Variants in HOTAIR observed in about 807,000 individuals in gnomAD.
HOTAIR encodes the protein HOX transcript antisense RNA.
chr12:53,972,765 T>G (rs1939168840), intron 1 of HOTAIR, among the ~76,000 whole-genome samples: 1 of 152,138 alleles, frequency 6.6e-6, no homozygotes. Flanking sequence ...CTCCTGGTGC[T>G]GCTCACAGAG....
intron 3 of HOTAIR, chr12:53,966,734 A>ACGC (rs1178191970): frequency 6.6e-6 from 1 of 152,288 alleles, no homozygotes; most frequent in Non-Finnish European, 1.5e-5. Context: ...GTGCGGAGAA[A>ACGC]CAAATATATT....
At chr12:53,974,039 G>A (rs1939202443) in intron 1 of HOTAIR, 3 of 727,282 alleles carry the variant, frequency 4.1e-6, no homozygotes, top group Non-Finnish European at 6.2e-6. Flanking sequence ...GGGTCAGTCC[G>A]ATTTTATGTG....
intron 1 of HOTAIR, among the ~76,000 whole-genome samples, chr12:53,969,523 C>T (rs566186248): frequency 3.9e-5 from 6 of 152,320 alleles, no homozygotes; most frequent in East Asian, 1.9e-4. Flanking sequence ...CAGTCCCACC[C>T]GCTTCTTGTT....
At chr12:53,963,113 T>C (rs1481039808) in exon 7 of HOTAIR, 5 of 152,216 alleles carry the variant, frequency 3.3e-5, no homozygotes, top group African/African-American at 1.2e-4. Context: ...AAAAATTTGT[T>C]TTTGAATCTT....
At chr12:53,974,054 T>C in intron 1 of HOTAIR, 1 of 682,088 alleles carries the variant, frequency 1.5e-6, no homozygotes, top group Non-Finnish European at 2.3e-6. Flanking sequence ...TATGTGGAGT[T>C]TTATAAGCAT....
chr12:53,973,970 G>A lies in HOTAIR; in HGVS notation n.59+928C>T, dbSNP rs1352211906. On this transcript the variant is annotated intron_variant and non_coding_transcript_variant, in intron 1 of 6. Coordinates refer to ENST00000424518, the Ensembl canonical transcript of HOTAIR. The surrounding 1 kb of genome is among the most constrained non-coding windows in gnomAD (Gnocchi z 4.3). ...ACGGGCGGGCAGCGAGGGAGGGAGCGAGAGAGGGAGGGCGAGAGAAGGGGG... is the reference window on the plus strand; with the variant it reads ...ACGGGCGGGCAGCGAGGGAGGGAGCAAGAGAGGGAGGGCGAGAGAAGGGGG... 2 of 1,412,598 alleles carry A rather than the reference G, an allele frequency of 1.4e-6. No homozygotes were observed. Among genetic ancestry groups the A allele is most frequent in the Non-Finnish European group, 1.9e-6 (2 of 1,076,768 alleles). 87.5% of individuals were successfully genotyped at this position (1,412,598 alleles called of 1,614,324 possible). A position where few individuals can be genotyped will look rare whatever the true frequency, so the allele number is the denominator to read the frequency against.
At chr12:53,963,561 A>C (rs1472406939) in exon 7 of HOTAIR, 3 of 152,234 alleles carry the variant, frequency 2.0e-5, no homozygotes, top group Admixed American at 2.0e-4. Flanking sequence ...TTTACAGTCC[A>C]AAGGAATCAA....
chr12:53,974,215 T>G (rs1939206611), intron 1 of HOTAIR, among the ~76,000 whole-genome samples: 1 of 152,110 alleles, frequency 6.6e-6, no homozygotes, highest in Admixed American at 6.5e-5. Context: ...TGTGAAATTT[T>G]TAAAAGCGCA....
chr12:53,964,237 TG>T (rs1157045174), exon 6 of HOTAIR: 4 of 148,000 alleles, frequency 2.7e-5, no homozygotes, highest in Admixed American at 1.4e-4. Flanking sequence ...AAACCTTGGG[TG>T]TAATTGCTGG....
chr12:53,965,032 A>C (rs1204082156), intron 5 of HOTAIR, among the ~76,000 whole-genome samples: 1 of 152,216 alleles, frequency 6.6e-6, no homozygotes, highest in Non-Finnish European at 1.5e-5. Context: ...GATTAGAGTT[A>C]ATGTCAGAGG....
intron 1 of HOTAIR, among the ~76,000 whole-genome samples, chr12:53,971,851 C>A (rs1408248436): frequency 2.6e-5 from 4 of 152,256 alleles, no homozygotes; most frequent in African/African-American, 9.6e-5. Flanking sequence ...TGCAGAATGA[C>A]TGAGCCTACT....
chr12:53,973,563 T>C lies in HOTAIR; in HGVS notation n.59+1335A>G, dbSNP rs1238214457. On this transcript the variant is annotated intron_variant and non_coding_transcript_variant, in intron 1 of 6. Coordinates refer to ENST00000424518, the Ensembl canonical transcript of HOTAIR. This position sits in a 1 kb window ranked among gnomAD's most constrained non-coding sequence, Gnocchi z 4.3. ...TATGCACCGGGAGTGCCTGCCTCCT[T>C]CCACCGTCACCGAGATCCTCATGAA... The C allele has an allele frequency of 6.2e-7, 1 of 1,612,710 alleles. No homozygotes were observed. The highest frequency in any genetic ancestry group is 1.1e-5 in the South Asian group (1 of 91,020).
rs1939081967 is a variant in HOTAIR, at chr12:53,967,807, T to A, written n.200-413A>T. Among the ~76,000 whole-genome samples, 5 of 152,304 alleles carry A rather than the reference T, an allele frequency of 3.3e-5. No individual in the cohort carries two copies. In the Middle Eastern group the frequency reaches 0.017, roughly 518 times the overall value. ...CCTCACCCTACAAAAATGTGCTTCA[T>A]GTCTGTGACATAAAATTGGCAGGCA... On this transcript the variant is annotated intron_variant and non_coding_transcript_variant, in intron 2 of 6. Coordinates refer to ENST00000424518, the Ensembl canonical transcript of HOTAIR.
At position 53,964,745 on chromosome 12, in the gene HOTAIR, A is replaced by G. The variant is rs150622151; in HGVS notation, n.552-462T>C. ...TATGGGATGTAGAGGAAAAGGAGAC[A>G]GTAGGGTCTCCCAACATCACCCTAA... On this transcript the variant is annotated intron_variant and non_coding_transcript_variant, in intron 5 of 6. Coordinates refer to ENST00000424518, the Ensembl canonical transcript of HOTAIR. 4.2e-4 allele frequency among the ~76,000 whole-genome samples: 64 copies of G among 152,352 alleles called. 1 individual carries two copies. In the East Asian group the frequency reaches 0.012, roughly 29 times the overall value.
chr12:53,968,859 T>G (rs1298860634), intron 1 of HOTAIR: 1 of 152,274 alleles, frequency 6.6e-6, no homozygotes, highest in African/African-American at 2.4e-5. Flanking sequence ...CACCTGAAGT[T>G]TTTCACCCCA....
chr12:53,973,472 G>A lies in HOTAIR; in HGVS notation n.59+1426C>T. 1 of 1,614,068 alleles carries A rather than the reference G, an allele frequency of 6.2e-7. No individual in the cohort carries two copies. The highest frequency in any genetic ancestry group is 8.5e-7 in the Non-Finnish European group (1 of 1,180,012). ...CGGTCCGGGAGGTCTCCTACGGCCT[G>A]GAGCCATCCGGCAAGTGGCACCATC... On this transcript the variant is annotated intron_variant and non_coding_transcript_variant, in intron 1 of 6. Coordinates refer to ENST00000424518, the Ensembl canonical transcript of HOTAIR. The surrounding 1 kb of genome is among the most constrained non-coding windows in gnomAD (Gnocchi z 4.3).
rs1213688244 is a variant in HOTAIR at position 53,967,581 on chromosome 12, TAGCCGGGA to T, written n.200-195_200-188del. Reference sequence around the variant, plus strand: ...GCCTGGGCTCAACGGGCTGGAGGGGTAGCCGGGAAGCCCCAGGGAGGGAACAGCAGGCT... The same window carrying T: ...GCCTGGGCTCAACGGGCTGGAGGGGTAGCCCCAGGGAGGGAACAGCAGGCT... On this transcript the variant is annotated intron_variant and non_coding_transcript_variant, in intron 2 of 6. Transcript: ENST00000424518. 9.2e-5 allele frequency among the ~76,000 whole-genome samples: 14 copies of T among 152,234 alleles called. No homozygotes were observed. In the South Asian group the frequency reaches 1.0e-3, roughly 11 times the overall value.
intron 1 of HOTAIR, among the ~76,000 whole-genome samples, chr12:53,970,088 C>T (rs868728606): frequency 3.3e-5 from 5 of 152,240 alleles, no homozygotes; most frequent in Non-Finnish European, 7.3e-5. Flanking sequence ...CTGCCCAGAC[C>T]GCAGCCGCCT....
Position 53,973,189 on chromosome 12 carries a change from C to T in HOTAIR, n.59+1709G>A. The T allele has an allele frequency of 6.9e-7, 1 of 1,458,492 alleles. No homozygotes were observed. Among genetic ancestry groups the T allele is most frequent in the African/African-American group, 1.4e-5 (1 of 70,824 alleles). The allele number at this position is 1,458,492 out of a possible 1,614,324, so 90.3% of individuals were successfully genotyped here. A position where few individuals can be genotyped will look rare whatever the true frequency, so the allele number is the denominator to read the frequency against. Reference sequence around the variant, plus strand: ...ATCTCGCCTTCCCAAATTTTCCCCCCTCGCTAGACCGGGTCCAAAACCTCC... The same window carrying T: ...ATCTCGCCTTCCCAAATTTTCCCCCTTCGCTAGACCGGGTCCAAAACCTCC... On this transcript the variant is annotated intron_variant and non_coding_transcript_variant, in intron 1 of 6. Coordinates refer to ENST00000424518, the Ensembl canonical transcript of HOTAIR. The surrounding 1 kb of genome is among the most constrained non-coding windows in gnomAD (Gnocchi z 4.3).
Sources: allele counts gnomAD v4.1 joint callset (sites outside exome capture counted in the v4.1 genomes callset), GRCh38; gene constraint gnomAD v4.1.1; non-coding constraint Gnocchi (gnomAD v3.1); transcripts MANE v1.5; gene names NCBI Gene and HGNC (gene_info 2026-07-23, HGNC 2026-07-21).